The following HMCN1 variants were observed in gnomAD, a reference collection of about 807,000 sequenced individuals.
HMCN1 encodes hemicentin-1.
In HMCN1, 321 loss-of-function variants were observed where a neutral mutation model predicts 625.9. That is an observed-to-expected ratio of 0.51 (90% CI 0.47 to 0.56). The LOEUF is 0.56. Among genes scored for constraint, HMCN1 ranks in the 20% least tolerant of loss-of-function variants. The pLI, the probability that HMCN1 is intolerant of heterozygous loss-of-function variation, is 0.00. For synonymous variants in HMCN1, 2,425 were observed against 2,417.6 expected (o/e 1.00, Z -0.09); for missense variants, 6,588 against 6,887.3 (o/e 0.96, Z 1.54).
At chr1:185,901,583 C>T (rs1020581963) in intron 4 of HMCN1, among the ~76,000 whole-genome samples, 1 of 151,712 alleles carries the variant, frequency 6.6e-6, no homozygotes, top group Admixed American at 6.6e-5. Context: ...TAACGTTCTT[C>T]GCATGGAGCT....
rs141440732 is a variant in HMCN1, at chr1:186,132,385, C to T, written c.13288C>T (p.Arg4430Cys). The T allele has an allele frequency of 9.9e-6, 16 of 1,612,090 alleles. No homozygotes were observed. Among genetic ancestry groups the T allele is most frequent in the African/African-American group, 2.7e-5 (2 of 74,830 alleles). Residue 4430 changes from arginine to cysteine, a missense_variant, in exon 86 of 107, where the codon CGC becomes TGC. This residue lies in a region of HMCN1 where 1,954 missense variants were observed against 2,013.1 expected (regional missense o/e 0.97). Transcript: ENST00000271588. ...VATNEAGVVE[R>C]SMSLTLQSPP... is the part of the protein sequence containing the mutation. ...TACCAATGAAGCTGGGGTGGTGGAG[C>T]GCAGCATGAGTCTGACTCTGCAAAG... is the stretch of plus-strand genomic sequence containing the variant.
rs1313914992 is a variant in HMCN1 at position 186,131,769 on chromosome 1, C to T, written c.13231-559C>T. 2.0e-5 allele frequency among the ~76,000 whole-genome samples: 3 copies of T among 152,094 alleles called. No individual in the cohort carries two copies. The East Asian group carries it at 5.8e-4, about 29-fold the overall frequency. On this transcript the variant is annotated intron_variant, in intron 85 of 106. Transcript: ENST00000271588. ...TTTAGTGCAGTCCTACATAAATTTA[C>T]ACACACAGACACATACATATATGTA...
chr1:186,127,796 C>G (rs1661719937), intron 82 of HMCN1, among the ~76,000 whole-genome samples: 1 of 152,122 alleles, frequency 6.6e-6, no homozygotes, highest in African/African-American at 2.4e-5. Flanking sequence ...TGCAGAGCAG[C>G]AATACACTTG....
intron 71 of HMCN1, among the ~76,000 whole-genome samples, chr1:186,110,558 G>A (rs184050563): frequency 2.6e-5 from 4 of 152,188 alleles, no homozygotes; most frequent in Non-Finnish European, 4.4e-5. Context: ...AAAGTAGAAG[G>A]CAGGTTACAG....
intron 30 of HMCN1, among the ~76,000 whole-genome samples, chr1:186,014,790 A>T (rs1190762315): frequency 1.3e-5 from 2 of 152,140 alleles, no homozygotes; most frequent in South Asian, 2.1e-4. Flanking sequence ...CAGTTGTACC[A>T]CATGTGACAT....
chr1:185,758,112 T>C (rs967099326), intron 1 of HMCN1, among the ~76,000 whole-genome samples: 6 of 152,230 alleles, frequency 3.9e-5, no homozygotes, highest in Non-Finnish European at 7.3e-5. Context: ...TTGGCAATCG[T>C]GTCATTTGGA....
rs1330157954 is a variant in HMCN1 at position 185,890,241 on chromosome 1, T to C, written c.622-19096T>C. Among the ~76,000 whole-genome samples the C allele has an allele frequency of 6.7e-5, 10 of 148,498 alleles. 1 individual carries two copies. Among genetic ancestry groups the C allele is most frequent in the Non-Finnish European group, 1.2e-4 (8 of 68,036 alleles). Reference sequence around the variant, plus strand: ...TCTTGCTAGCGGTCTATCAATTTTCTTGATCCTTTCAAAAAACCAGCTCCT... The same window carrying C: ...TCTTGCTAGCGGTCTATCAATTTTCCTGATCCTTTCAAAAAACCAGCTCCT... On this transcript the variant is annotated intron_variant, in intron 4 of 106. Coordinates refer to ENST00000271588, the MANE Select transcript of HMCN1 (RefSeq NM_031935.3).
chr1:185,836,861 TGTAA>T (rs1478126231), intron 1 of HMCN1, among the ~76,000 whole-genome samples: 3 of 152,048 alleles, frequency 2.0e-5, no homozygotes, highest in Non-Finnish European at 2.9e-5. Context: ...AGCTCCCACT[TGTAA>T]GTGAGAACAT....
chr1:185,847,249 C>T (rs954287027), intron 2 of HMCN1, among the ~76,000 whole-genome samples: 3 of 152,252 alleles, frequency 2.0e-5, no homozygotes, highest in Middle Eastern at 3.4e-3. Flanking sequence ...TGCTTATCCA[C>T]GAGTGGCCAA....
chr1:186,179,307 A>G (rs1414854501), intron 104 of HMCN1, among the ~76,000 whole-genome samples: 1 of 152,174 alleles, frequency 6.6e-6, no homozygotes, highest in African/African-American at 2.4e-5. Context: ...ATGAGTTGGG[A>G]CAAAATTAAG....
intron 68 of HMCN1, 38 bp downstream of exon 68, chr1:186,095,559 AG>A (rs1268376123): frequency 6.3e-7 from 1 of 1,582,452 alleles, no homozygotes; most frequent in Non-Finnish European, 8.7e-7. Context: ...ATAATTGGAA[AG>A]TAAGTGATAG....
At chr1:185,958,012 T>C (rs1463614666) in intron 11 of HMCN1, among the ~76,000 whole-genome samples, 1 of 152,176 alleles carries the variant, frequency 6.6e-6, no homozygotes, top group Non-Finnish European at 1.5e-5. Flanking sequence ...CTAGTAAATT[T>C]TAAGTATCTA....
At chr1:185,932,109 A>C (rs1423497265) in intron 10 of HMCN1, among the ~76,000 whole-genome samples, 2 of 152,184 alleles carry the variant, frequency 1.3e-5, no homozygotes, top group Non-Finnish European at 2.9e-5. Context: ...TTTACCTGGG[A>C]ACCCTAGCCA....
chr1:185,961,794 GA>G (rs1164158129), intron 11 of HMCN1, among the ~76,000 whole-genome samples: 3 of 152,256 alleles, frequency 2.0e-5, no homozygotes, highest in Non-Finnish European at 2.9e-5. Context: ...TAATGAAAGA[GA>G]AAGTTTGAAT....
chr1:185,816,265 A>G (rs540500138), intron 1 of HMCN1, among the ~76,000 whole-genome samples: 6 of 152,364 alleles, frequency 3.9e-5, no homozygotes, highest in Admixed American at 1.3e-4. Flanking sequence ...TAAAATGGCC[A>G]GTGATATCTC....
intron 42 of HMCN1, among the ~76,000 whole-genome samples, chr1:186,050,589 T>G (rs544526611): frequency 2.2e-4 from 34 of 152,070 alleles, no homozygotes; most frequent in South Asian, 1.5e-3. Flanking sequence ...GATGGGTGAA[T>G]GAGTAATATT....
chr1:185,898,153 G>T (rs1010365338), intron 4 of HMCN1, among the ~76,000 whole-genome samples: 5 of 152,152 alleles, frequency 3.3e-5, no homozygotes, highest in African/African-American at 1.2e-4. Context: ...TTTCACCTAT[G>T]GGCGTAATAC....
At chr1:185,774,406 T>G (rs1213199915) in intron 1 of HMCN1, among the ~76,000 whole-genome samples, 1 of 152,164 alleles carries the variant, frequency 6.6e-6, no homozygotes, top group African/African-American at 2.4e-5. Flanking sequence ...GCACACAATA[T>G]AAATAAAGAA....
chr1:185,931,662 G>A (rs1289271889), intron 10 of HMCN1, among the ~76,000 whole-genome samples: 1 of 152,136 alleles, frequency 6.6e-6, no homozygotes, highest in African/African-American at 2.4e-5. Flanking sequence ...AGTGGAAGAA[G>A]AGGAACTGTG....
Sources: allele counts gnomAD v4.1 joint callset (sites outside exome capture counted in the v4.1 genomes callset), GRCh38; gene constraint gnomAD v4.1.1; regional missense constraint gnomAD v4.1.1; transcripts MANE v1.5; gene names NCBI Gene and HGNC (gene_info 2026-07-23, HGNC 2026-07-21).